The following NPTN variants were observed in gnomAD, a reference collection of about 807,000 sequenced individuals.
The protein encoded by NPTN is SDR-1.
NPTN carries 5 observed loss-of-function variants against 42.7 expected under a neutral mutation model. The ratio of observed to expected loss-of-function variants is 0.12; its 90% CI spans 0.06 to 0.25. The LOEUF (loss-of-function observed/expected upper bound fraction) is 0.25, where lower values mean the gene tolerates loss of function less well. Among genes scored for constraint, NPTN ranks in the 10% least tolerant of loss-of-function variants. The probability of loss-of-function intolerance (pLI) is 1.00; values close to 1 mark genes in which losing one functional copy is unlikely to be tolerated. For missense variants in NPTN, 307 were observed against 525.4 expected, an observed-to-expected ratio of 0.58 and a Z score of 4.06; for synonymous variants, 180 against 201.9, an observed-to-expected ratio of 0.89 and a Z score of 0.92.
At chr15:73,587,448 G>C in intron 4 of NPTN, 76 bp downstream of exon 4, 2 of 999,476 alleles carry the variant, frequency 2.0e-6, no homozygotes, top group Non-Finnish European at 3.2e-6. Context: ...GGAGCTTGAA[G>C]ACTGGGACTC....
At chr15:73,563,144 C>T (rs1277556121) in intron 7 of NPTN, 92 bp downstream of exon 7, 16 of 909,974 alleles carry the variant, frequency 1.8e-5, no homozygotes, top group Non-Finnish European at 2.9e-5. Flanking sequence ...CACTGTCTTC[C>T]CCTCCAATCT....
At chr15:73,578,315 G>A (rs1895803344) in intron 4 of NPTN, among the ~76,000 whole-genome samples, 1 of 152,066 alleles carries the variant, frequency 6.6e-6, no homozygotes, top group African/African-American at 2.4e-5. Context: ...AGACAGCAGT[G>A]GAAGCAAGAC....
At chr15:73,612,180 A>G (rs1897614911) in intron 1 of NPTN, among the ~76,000 whole-genome samples, 1 of 152,096 alleles carries the variant, frequency 6.6e-6, no homozygotes, top group South Asian at 2.1e-4. Flanking sequence ...CAACACGGGA[A>G]GGCCAAGGCA....
At chr15:73,580,513 TATA>T (rs1427270859) in intron 4 of NPTN, among the ~76,000 whole-genome samples, 65 of 132,324 alleles carry the variant, frequency 4.9e-4, no homozygotes, top group African/African-American at 1.6e-3. Flanking sequence ...ATATATTATA[TATA>T]ATATAGTTAT....
At chr15:73,581,078 G>C (rs1896020503) in intron 4 of NPTN, among the ~76,000 whole-genome samples, 3 of 152,192 alleles carry the variant, frequency 2.0e-5, no homozygotes, top group Non-Finnish European at 2.9e-5. Context: ...CTTCGACTCT[G>C]TCATTAGTTC....
At chr15:73,613,400 T>C (rs1157526711) in intron 1 of NPTN, among the ~76,000 whole-genome samples, 6 of 152,194 alleles carry the variant, frequency 3.9e-5, no homozygotes, top group Non-Finnish European at 7.3e-5. Flanking sequence ...TAGAACCTAT[T>C]GTCTTAGAAT....
chr15:73,566,697 TG>T (rs1314353939), intron 6 of NPTN, among the ~76,000 whole-genome samples: 1 of 152,200 alleles, frequency 6.6e-6, no homozygotes, highest in African/African-American at 2.4e-5. Flanking sequence ...GTGACATGGA[TG>T]GAAGCCTAGA....
Position 73,574,175 on chromosome 15 carries a change from GAAC to G in NPTN, c.707-383_707-381del, listed in dbSNP as rs528886081. On this transcript the variant is annotated intron_variant, in intron 4 of 8. Coordinates refer to ENST00000345330, the MANE Select transcript of NPTN (RefSeq NM_012428.4). ...AAGTTTTTTCTTAAAACACCTGCAT[GAAC>G]AACAGTTATGCATCCTGTCAAATAT... Among the ~76,000 whole-genome samples the G allele has an allele frequency of 3.0e-4, 45 of 152,300 alleles. 1 individual carries two copies. The South Asian group carries it at 8.7e-3, about 29-fold the overall frequency.
At chr15:73,568,204 T>TA in intron 6 of NPTN, 4 of 985,524 alleles carry the variant, frequency 4.1e-6, no homozygotes, top group Non-Finnish European at 4.8e-6. Flanking sequence ...TGCACTGTGA[T>TA]AGCAACCTCA....
At chr15:73,623,030 T>C (rs1001881431) in intron 1 of NPTN, among the ~76,000 whole-genome samples, 2 of 152,196 alleles carry the variant, frequency 1.3e-5, no homozygotes, top group African/African-American at 4.8e-5. Context: ...AATGAAGTCT[T>C]AGGAGTTAGG....
chr15:73,609,457 C>T (rs1365864460), intron 1 of NPTN, among the ~76,000 whole-genome samples: 2 of 152,046 alleles, frequency 1.3e-5, no homozygotes, highest in African/African-American at 4.8e-5. Context: ...GGTGAAACCC[C>T]GTCTCTACTA....
chr15:73,563,630 G>T, intron 6 of NPTN: 1 of 1,017,552 alleles, frequency 9.8e-7, no homozygotes, highest in Non-Finnish European at 1.2e-6. Context: ...GTAAAATCCT[G>T]CTGTTTGTTT....
chr15:73,572,337 T>G lies in NPTN; in HGVS notation c.840+1325A>C, dbSNP rs530813758. On this transcript the variant is annotated intron_variant, in intron 5 of 8. Transcript: ENST00000345330. The stretch of plus-strand genomic sequence containing the variant: ...AGGATCCATGGGATCAGAGGAACGC[T>G]TGACACGCTCTCTGACAGAAAAGGT... Among the ~76,000 whole-genome samples the G allele has an allele frequency of 5.3e-4, 81 of 152,310 alleles. No individual in the cohort carries two copies. In the East Asian group the frequency reaches 0.015, roughly 28 times the overall value.
chr15:73,596,894 A>G (rs1351286262), intron 2 of NPTN, 128 bp downstream of exon 2: 3 of 773,754 alleles, frequency 3.9e-6, no homozygotes, highest in East Asian at 2.7e-5. Flanking sequence ...CATGGGATTG[A>G]AAAAAAAACG....
At chr15:73,595,438 G>A (rs1374571327) in intron 2 of NPTN, among the ~76,000 whole-genome samples, 2 of 152,076 alleles carry the variant, frequency 1.3e-5, no homozygotes, top group East Asian at 1.9e-4. Context: ...ATTCAACAGT[G>A]CCAACTGCAG....
intron 2 of NPTN, among the ~76,000 whole-genome samples, chr15:73,594,938 A>T: frequency 6.7e-6 from 1 of 149,732 alleles, no homozygotes; most frequent in Non-Finnish European, 1.5e-5. Flanking sequence ...TTAGAGTTGG[A>T]TCCAGGGTGT....
At chr15:73,577,412 T>C (rs921626459) in intron 4 of NPTN, among the ~76,000 whole-genome samples, 2 of 152,208 alleles carry the variant, frequency 1.3e-5, no homozygotes, top group Non-Finnish European at 2.9e-5. Flanking sequence ...TTTGCAAAAT[T>C]ATGACTGAGA....
intron 1 of NPTN, among the ~76,000 whole-genome samples, chr15:73,625,653 T>C (rs1898367453): frequency 6.6e-6 from 1 of 152,152 alleles, no homozygotes; most frequent in African/African-American, 2.4e-5. Flanking sequence ...TTTCAAGTAA[T>C]TTCAACATGA....
chr15:73,569,049 A>C lies in NPTN; in HGVS notation c.1114+1101T>G. 1.0e-6 allele frequency: 1 copy of C among 985,408 alleles called. No homozygotes were observed. The highest frequency in any genetic ancestry group is 1.2e-6 in the Non-Finnish European group (1 of 830,070). The allele number at this position is 985,408 out of a possible 1,614,324, so 61.0% of individuals were successfully genotyped here. ...GGGCAGGATACAGCACCACAGGTGCACAAACACAGGCCCCAGAACAGCTGG... is the reference window on the plus strand; with the variant it reads ...GGGCAGGATACAGCACCACAGGTGCCCAAACACAGGCCCCAGAACAGCTGG... On this transcript the variant is annotated intron_variant, in intron 6 of 8. Transcript: ENST00000345330. The surrounding 1 kb of genome is among the most constrained non-coding windows in gnomAD (Gnocchi z 4.1).
Sources: gnomAD v4.1 joint callset for allele counts (sites outside exome capture counted in the v4.1 genomes callset) on GRCh38, gnomAD v4.1.1 for gene constraint, Gnocchi (gnomAD v3.1) non-coding constraint, MANE v1.5 for transcripts, NCBI Gene and HGNC (gene_info 2026-07-23, HGNC 2026-07-21) for gene names.